SLCO1A2: variants seen among roughly 807,000 people sequenced by gnomAD.
SLCO1A2 encodes solute carrier organic anion transporter family member 1A2.
Under a neutral mutation model 69.0 loss-of-function variants are expected in SLCO1A2, and 67 were observed. The observed-to-expected ratio is 0.97, with a 90% CI of 0.80 to 1.19. SLCO1A2 has a LOEUF of 1.19. Among genes scored for constraint, SLCO1A2 ranks in the 50% most tolerant of loss-of-function variants. SLCO1A2 has a pLI of 0.00. For synonymous variants in SLCO1A2, 260 were observed against 265.9 expected (o/e 0.98, Z 0.22); for missense variants, 787 against 793.7 (o/e 0.99, Z 0.10).
chr12:21,300,343 T>C lies in SLCO1A2; in HGVS notation c.910+5A>G, dbSNP rs1948550537. 6.3e-7 allele frequency: 1 copy of C among 1,580,828 alleles called. No individual in the cohort carries two copies. The highest frequency in any genetic ancestry group is 1.3e-5 in the African/African-American group (1 of 74,234). On this transcript the variant is annotated splice_donor_5th_base_variant and intron_variant, in intron 8 of 14. Transcript: ENST00000683939. ...TTTCATAGTATTTAGAATATGTATA[T>C]TTGCCTTTAGTGATTCCATATTTTT...
chr12:21,410,279 A>AAG (rs200241760), intron 1 of SLCO1A2, among the ~76,000 whole-genome samples: 6 of 150,970 alleles, frequency 4.0e-5, no homozygotes, highest in East Asian at 1.9e-4. Flanking sequence ...CATATTCCTA[A>AAG]AGAGAGAGAG....
At chr12:21,354,666 C>A (rs186384504) in intron 2 of SLCO1A2, among the ~76,000 whole-genome samples, 1 of 152,188 alleles carries the variant, frequency 6.6e-6, no homozygotes, top group East Asian at 1.9e-4. Context: ...TAGCTATGGT[C>A]GTAGGGAAAC....
intron 13 of SLCO1A2, 186 bp downstream of exon 13, chr12:21,275,174 T>C (rs1591774042): frequency 7.0e-6 from 5 of 710,090 alleles, no homozygotes; most frequent in Non-Finnish European, 9.7e-6. Flanking sequence ...GGGGGAGGGA[T>C]AGCATTAGGA....
intron 1 of SLCO1A2, among the ~76,000 whole-genome samples, chr12:21,375,731 C>T (rs768826696): frequency 2.6e-5 from 4 of 152,206 alleles, no homozygotes; most frequent in Non-Finnish European, 4.4e-5. Context: ...ATTTTGAAAA[C>T]TCTGGAGAGA....
At chr12:21,314,430 C>T (rs1295109249) in intron 4 of SLCO1A2, 119 bp downstream of exon 4, 1 of 1,035,430 alleles carries the variant, frequency 9.7e-7, no homozygotes, top group Non-Finnish European at 1.4e-6. Context: ...TGTGCATCTT[C>T]CCCTTCCCAT....
chr12:21,410,595 C>T (rs1941892515), intron 1 of SLCO1A2, among the ~76,000 whole-genome samples: 1 of 152,086 alleles, frequency 6.6e-6, no homozygotes, highest in Admixed American at 6.6e-5. Flanking sequence ...TATGTAAGTG[C>T]AAAAGTTTCT....
intron 12 of SLCO1A2, among the ~76,000 whole-genome samples, chr12:21,280,497 A>T (rs939252052): frequency 2.6e-5 from 4 of 152,108 alleles, no homozygotes; most frequent in African/African-American, 4.8e-5. Flanking sequence ...ATCATTATAT[A>T]AGGATAAAAG....
At chr12:21,378,086 G>T (rs1004798852) in intron 1 of SLCO1A2, 2 of 626,716 alleles carry the variant, frequency 3.2e-6, no homozygotes, top group Non-Finnish European at 5.5e-6. Context: ...AAAAATCTCA[G>T]CCATCTAGGT....
intron 2 of SLCO1A2, among the ~76,000 whole-genome samples, chr12:21,319,908 T>C (rs996580627): frequency 6.6e-5 from 10 of 152,192 alleles, no homozygotes; most frequent in African/African-American, 1.4e-4. Context: ...TTTAAAAAGA[T>C]AGCTTTTAGT....
At chr12:21,293,601 A>G (rs1304722020) in intron 11 of SLCO1A2, among the ~76,000 whole-genome samples, 1 of 151,366 alleles carries the variant, frequency 6.6e-6, no homozygotes, top group African/African-American at 2.4e-5. Flanking sequence ...ATATGTATAT[A>G]TATATAGCAA....
At chr12:21,339,017 C>T (rs937698112), upstream of SLCO1A2, among the ~76,000 whole-genome samples, 1 of 151,946 alleles carries the variant, frequency 6.6e-6, no homozygotes, top group Non-Finnish European at 1.5e-5. Flanking sequence ...TATTCCTCAT[C>T]TCTGATATTG....
intron 1 of SLCO1A2, among the ~76,000 whole-genome samples, chr12:21,417,372 T>C (rs546901886): frequency 9.5e-4 from 144 of 150,846 alleles, no homozygotes; most frequent in African/African-American, 3.4e-3. Flanking sequence ...TGGGGAAGTA[T>C]GTTATTTAAG....
chr12:21,328,141 C>T (rs549280245), intron 2 of SLCO1A2, among the ~76,000 whole-genome samples: 357 of 152,248 alleles, frequency 2.3e-3, no homozygotes, highest in African/African-American at 8.1e-3. Context: ...CCTCCTTTAC[C>T]TTCCGTCGTA....
In SLCO1A2 at chr12:21,265,764, C is replaced by A. The variant is rs964941286; in HGVS notation, c.*3784G>T. ...TCCTTGGCAAGCAAACAACAGCTTA[C>A]CCTACTGCCTACTTGCCTCTTTTTC... On this transcript the variant is annotated 3_prime_UTR_variant, in exon 15 of 15. Transcript: ENST00000683939. 2.0e-5 allele frequency: 3 copies of A among 152,168 alleles called. No individual in the cohort carries two copies. The highest frequency in any genetic ancestry group is 2.9e-5 in the Non-Finnish European group (2 of 68,054). 9.4% of individuals were successfully genotyped at this position (152,168 alleles called of 1,614,324 possible).
chr12:21,362,977 A>G (rs770651514), intron 2 of SLCO1A2, among the ~76,000 whole-genome samples: 1 of 152,210 alleles, frequency 6.6e-6, no homozygotes, highest in Non-Finnish European at 1.5e-5. Flanking sequence ...TGAACATTAG[A>G]CAGATCAACA....
chr12:21,373,196 G>A, intron 2 of SLCO1A2: 1 of 663,634 alleles, frequency 1.5e-6, no homozygotes, highest in East Asian at 2.7e-5. Flanking sequence ...AATATTAAGG[G>A]ACTGTATCAA....
chr12:21,366,484 C>T (rs1257171396), intron 2 of SLCO1A2, among the ~76,000 whole-genome samples: 2 of 151,918 alleles, frequency 1.3e-5, no homozygotes, highest in African/African-American at 4.8e-5. Flanking sequence ...ACATGGCGCA[C>T]GTATTCCTAT....
chr12:21,369,301 A>C (rs929673552), intron 2 of SLCO1A2, among the ~76,000 whole-genome samples: 4 of 151,998 alleles, frequency 2.6e-5, no homozygotes, highest in African/African-American at 9.7e-5. Flanking sequence ...TATGACTTGG[A>C]GTCATTTACT....
chr12:21,358,453 A>G (rs959293788), intron 2 of SLCO1A2, among the ~76,000 whole-genome samples: 8 of 152,220 alleles, frequency 5.3e-5, no homozygotes, highest in African/African-American at 1.7e-4. Context: ...TGGTTTTAAA[A>G]CTATGTAGCA....
Sources: gnomAD v4.1 joint callset for allele counts (sites outside exome capture counted in the v4.1 genomes callset) on GRCh38, gnomAD v4.1.1 for gene constraint, MANE v1.5 for transcripts, NCBI Gene and HGNC (gene_info 2026-07-23, HGNC 2026-07-21) for gene names.